Variants in KAZN observed in about 807,000 individuals in gnomAD.
The protein encoded by KAZN is kazrin.
Under a neutral mutation model 87.4 loss-of-function variants are expected in KAZN, and 40 were observed. The ratio of observed to expected loss-of-function variants is 0.46; its 90% confidence interval spans 0.36 to 0.60. The LOEUF (loss-of-function observed/expected upper bound fraction) is 0.60. KAZN is among the 20% of genes least tolerant of loss of function. The pLI is 0.00. For missense variants in KAZN, 898 were observed against 1,073.9 expected (o/e 0.84, Z 2.29); for synonymous variants, 466 against 458.3 (o/e 1.02, Z -0.22).
intron 2 of KAZN, among the ~76,000 whole-genome samples, chr1:14,305,426 A>C (rs1654849554): frequency 6.6e-6 from 1 of 152,180 alleles, no homozygotes; most frequent in Admixed American, 6.5e-5. Flanking sequence ...AGATTTGCAA[A>C]GAGGTCTGTG....
chr1:15,016,633 G>A (rs115012163), intron 2 of KAZN, among the ~76,000 whole-genome samples: 2,563 of 152,196 alleles, frequency 0.017, 85 homozygotes, highest in African/African-American at 0.059. Flanking sequence ...AATGTGTTAC[G>A]GAAGCCACAG....
At chr1:14,930,248 G>T (rs1213547724) in intron 1 of KAZN, among the ~76,000 whole-genome samples, 1 of 152,200 alleles carries the variant, frequency 6.6e-6, no homozygotes, top group East Asian at 1.9e-4. Flanking sequence ...TTGCTTCTTG[G>T]ATTCGGAGGC....
intron 1 of KAZN, among the ~76,000 whole-genome samples, chr1:13,942,976 G>A (rs1640996109): frequency 6.6e-6 from 1 of 151,984 alleles, no homozygotes; most frequent in Admixed American, 6.6e-5. Flanking sequence ...ATATGGACAT[G>A]GTAAAAAAGA....
intron 2 of KAZN, among the ~76,000 whole-genome samples, chr1:14,999,494 G>GCCCC (rs1425034118): frequency 3.8e-4 from 50 of 132,742 alleles, no homozygotes; most frequent in African/African-American, 1.7e-3. Flanking sequence ...GGCATTGCCT[G>GCCCC]CCCCCCTCCC....
intron 1 of KAZN, among the ~76,000 whole-genome samples, chr1:14,860,751 T>A (rs1401225793): frequency 6.6e-6 from 1 of 152,102 alleles, no homozygotes; most frequent in Non-Finnish European, 1.5e-5. Context: ...ATATGCTGAG[T>A]GGAGTTTAAT....
intron 2 of KAZN, among the ~76,000 whole-genome samples, chr1:14,412,187 G>T (rs1429346389): frequency 6.6e-6 from 1 of 152,164 alleles, no homozygotes; most frequent in Non-Finnish European, 1.5e-5. Context: ...AAACCTCAAT[G>T]CATCAGGGCA....
intron 1 of KAZN, among the ~76,000 whole-genome samples, chr1:14,954,374 G>A (rs1222628327): frequency 6.6e-6 from 1 of 152,256 alleles, no homozygotes; most frequent in African/African-American, 2.4e-5. Flanking sequence ...CTTGGGCAAA[G>A]GCCAAGAAAG....
chr1:14,409,923 C>A (rs958626689), intron 2 of KAZN, among the ~76,000 whole-genome samples: 2 of 152,016 alleles, frequency 1.3e-5, no homozygotes, highest in African/African-American at 2.4e-5. Context: ...AATCAAATTT[C>A]TAGATTAAAA....
intron 2 of KAZN, among the ~76,000 whole-genome samples, chr1:14,328,576 G>A (rs987849657): frequency 6.6e-6 from 1 of 151,840 alleles, no homozygotes; most frequent in East Asian, 1.9e-4. Flanking sequence ...GGTGGTGAGC[G>A]CCCGTAGTCC....
intron 1 of KAZN, among the ~76,000 whole-genome samples, chr1:14,699,570 A>G (rs879743741): frequency 1.2e-4 from 18 of 152,204 alleles, no homozygotes; most frequent in Non-Finnish European, 2.4e-4. Context: ...TAGGCTGTAG[A>G]AGTTACAACA....
At chr1:14,832,713 G>A (rs1647085342) in intron 1 of KAZN, among the ~76,000 whole-genome samples, 1 of 152,202 alleles carries the variant, frequency 6.6e-6, no homozygotes, top group Admixed American at 6.5e-5. Flanking sequence ...CACGTGCCCT[G>A]GGTTGGACAA....
At chr1:14,934,484 C>T (rs1039506663) in intron 1 of KAZN, among the ~76,000 whole-genome samples, 1 of 152,194 alleles carries the variant, frequency 6.6e-6, no homozygotes, top group Non-Finnish European at 1.5e-5. Flanking sequence ...GGATTACAGG[C>T]GTGAGCCACT....
At chr1:13,991,622 T>C (rs976617015) in intron 1 of KAZN, among the ~76,000 whole-genome samples, 4 of 152,150 alleles carry the variant, frequency 2.6e-5, no homozygotes, top group African/African-American at 9.7e-5. Context: ...TTTATGTAAT[T>C]TAATTTATAA....
intron 1 of KAZN, among the ~76,000 whole-genome samples, chr1:14,679,509 T>G (rs773217162): frequency 7.2e-5 from 11 of 152,030 alleles, no homozygotes; most frequent in Non-Finnish European, 1.5e-4. Flanking sequence ...TTGATTTGCA[T>G]AGCAAAGGTG....
chr1:13,899,644 CTTTTT>C (rs35127542), intron 1 of KAZN, among the ~76,000 whole-genome samples: 1 of 136,990 alleles, frequency 7.3e-6, no homozygotes, highest in Non-Finnish European at 1.6e-5. Context: ...CTTGGTTGTC[CTTTTT>C]TTTTTTTTTT....
intron 2 of KAZN, among the ~76,000 whole-genome samples, chr1:14,971,058 G>A (rs895898338): frequency 2.0e-5 from 3 of 152,190 alleles, no homozygotes; most frequent in Non-Finnish European, 4.4e-5. Flanking sequence ...GATGGGTAGT[G>A]TTAGCCTCAG....
chr1:14,677,744 G>A (rs920359051), intron 1 of KAZN, among the ~76,000 whole-genome samples: 2 of 152,194 alleles, frequency 1.3e-5, no homozygotes, highest in Non-Finnish European at 2.9e-5. Flanking sequence ...AAGAGAGACC[G>A]AGGATGTGGC....
intron 2 of KAZN, among the ~76,000 whole-genome samples, chr1:14,465,037 T>A (rs1668044006): frequency 6.6e-6 from 1 of 152,138 alleles, no homozygotes; most frequent in South Asian, 2.1e-4. Flanking sequence ...TTTTTCTGTC[T>A]CACACCATGT....
intron 3 of KAZN, among the ~76,000 whole-genome samples, chr1:15,035,771 G>A (rs1557738363): frequency 6.6e-6 from 1 of 152,146 alleles, no homozygotes; most frequent in East Asian, 1.9e-4. Context: ...CCCAGGAGGT[G>A]GAGGTTGCAG....
Sources: allele counts gnomAD v4.1 joint callset (sites outside exome capture counted in the v4.1 genomes callset), GRCh38; gene constraint gnomAD v4.1.1; transcripts MANE v1.5; gene names NCBI Gene and HGNC (gene_info 2026-07-23, HGNC 2026-07-21).